The following VPS35L variants were observed in gnomAD, a reference collection of about 807,000 sequenced individuals.
VPS35L encodes the protein VPS35 endosomal protein-sorting factor-like.
VPS35L carries 83 observed loss-of-function variants against 133.0 expected under a neutral mutation model. The observed-to-expected ratio is 0.62, with a 90% CI of 0.52 to 0.75. The LOEUF is 0.75. VPS35L is among the 30% of genes least tolerant of loss of function. VPS35L has a pLI of 0.00. For synonymous variants in VPS35L, 423 were observed against 449.9 expected, an observed-to-expected ratio of 0.94 and a Z score of 0.76; for missense variants, 1,083 against 1,206.8, an observed-to-expected ratio of 0.90 and a Z score of 1.52.
chr16:19,697,861 G>A (rs1317470460), intron 29 of VPS35L, among the ~76,000 whole-genome samples: 32 of 152,240 alleles, frequency 2.1e-4, no homozygotes, highest in Non-Finnish European at 2.2e-4. Flanking sequence ...TCTGGAGTCA[G>A]AGAGCTGGAG....
chr16:19,634,785 C>G (rs1271522756), intron 19 of VPS35L, among the ~76,000 whole-genome samples: 1 of 152,074 alleles, frequency 6.6e-6, no homozygotes, highest in African/African-American at 2.4e-5. Flanking sequence ...TGATGAGGAG[C>G]AGGATATTTG....
intron 5 of VPS35L, among the ~76,000 whole-genome samples, chr16:19,576,165 C>CA (rs1220749191): frequency 0.15 from 10,434 of 71,390 alleles, 617 homozygotes; most frequent in African/African-American, 0.23. Context: ...GACTCTGTCT[C>CA]AAAAAAAAAA....
At position 19,650,489 on chromosome 16, in the gene VPS35L, C is replaced by T. The variant is rs114850072; in HGVS notation, c.2106+30C>T. The stretch of plus-strand genomic sequence containing the variant: ...GTTCTTAAGATAAGGACTGTTGGAC[C>T]TCGAACTCCAGTGGGCTGTTTAGTT... On this transcript the variant is annotated intron_variant, in intron 25 of 30. Transcript: ENST00000417362. 1.0e-3 allele frequency: 1,562 copies of T among 1,554,936 alleles called. 13 individuals carry two copies. The African/African-American group carries it at 0.019, about 19-fold the overall frequency.
Position 19,573,146 on chromosome 16 carries a change from G to C in VPS35L, c.313G>C (p.Asp105His). ...CAGCTCCAGAAGGAAACGTGATAGA[G>C]ATGATAACTCCGTTGTAGGATCGGA... ...MDSSRRKRDR[D>H]DNSVVGSDFE... The change falls in exon 4 of 31, where the codon GAT (aspartate) becomes CAT (histidine). Residue 105 changes from aspartate to histidine, a missense_variant. Coordinates refer to ENST00000417362, the MANE Select transcript of VPS35L (RefSeq NM_020314.7). 6.2e-7 allele frequency: 1 copy of C among 1,613,902 alleles called. No homozygotes were observed. Among genetic ancestry groups the C allele is most frequent in the Non-Finnish European group, 8.5e-7 (1 of 1,179,858 alleles).
At chr16:19,601,219 A>G (rs1027330693) in intron 8 of VPS35L, among the ~76,000 whole-genome samples, 1 of 152,180 alleles carries the variant, frequency 6.6e-6, no homozygotes, top group Non-Finnish European at 1.5e-5. Flanking sequence ...GTGAGCCACT[A>G]TGCCCAGCCT....
At chr16:19,577,892 T>C (rs958804081) in intron 5 of VPS35L, among the ~76,000 whole-genome samples, 7 of 152,256 alleles carry the variant, frequency 4.6e-5, no homozygotes, top group Non-Finnish European at 1.0e-4. Context: ...ACCTTGATCT[T>C]GGACTTCCCA....
At chr16:19,649,412 T>G (rs1011447438) in intron 24 of VPS35L, among the ~76,000 whole-genome samples, 2 of 152,214 alleles carry the variant, frequency 1.3e-5, no homozygotes, top group Admixed American at 6.5e-5. Flanking sequence ...CATTCACTGT[T>G]TTTTACATTT....
chr16:19,566,204 G>T (rs943613830), intron 2 of VPS35L, among the ~76,000 whole-genome samples: 2 of 152,082 alleles, frequency 1.3e-5, no homozygotes, highest in Admixed American at 6.6e-5. Context: ...CATGTTAAAA[G>T]AAAATTCTTG....
At chr16:19,618,924 T>C (rs1239276973) in intron 14 of VPS35L, among the ~76,000 whole-genome samples, 1 of 151,318 alleles carries the variant, frequency 6.6e-6, no homozygotes, top group Non-Finnish European at 1.5e-5. Context: ...CCTATCTGTT[T>C]TTTTTTTTTT....
chr16:19,660,007 C>T lies in VPS35L; in HGVS notation c.2221+7917C>T, dbSNP rs1182640296. On this transcript the variant is annotated intron_variant, in intron 26 of 30. Transcript: ENST00000417362. ...ACATTCAAGAGATGGGAGTCTTCAA[C>T]CCTTGGAACATCTTGTCTTAAGAAC... Among the ~76,000 whole-genome samples the T allele has an allele frequency of 2.0e-5, 3 of 152,230 alleles. No individual in the cohort carries two copies. In the East Asian group the frequency reaches 5.8e-4, roughly 29 times the overall value.
At position 19,639,017 on chromosome 16, in the gene VPS35L, T is replaced by C. The variant is rs1973705007; in HGVS notation, c.1699-998T>C. 6.6e-6 allele frequency among the ~76,000 whole-genome samples: 1 copy of C among 151,974 alleles called. No homozygotes were observed. The highest frequency in any genetic ancestry group is 1.9e-4 in the East Asian group (1 of 5,170). ...GCTACTGGGGAGGCTGAGGTTGCAG[T>C]GAACCGAGATTGCACCAGGGCACTC... On this transcript the variant is annotated intron_variant, in intron 20 of 30. Transcript: ENST00000417362. The surrounding 1 kb of genome is among the most constrained non-coding windows in gnomAD (Gnocchi z 4.1).
At chr16:19,649,802 C>A (rs1974069296) in intron 24 of VPS35L, among the ~76,000 whole-genome samples, 1 of 152,200 alleles carries the variant, frequency 6.6e-6, no homozygotes, top group South Asian at 2.1e-4. Flanking sequence ...TTTAGCACAA[C>A]TAAACTTAAG....
chr16:19,667,008 G>C (rs146926245), intron 26 of VPS35L, among the ~76,000 whole-genome samples: 2,073 of 104,866 alleles, frequency 0.02, 49 homozygotes, highest in African/African-American at 0.072. Context: ...TTTTGAGACA[G>C]AGCATTGCTC....
In VPS35L at chr16:19,621,235, A is replaced by G. The variant is rs1973070216; in HGVS notation, c.1224+4427A>G. On this transcript the variant is annotated intron_variant, in intron 14 of 30. Coordinates refer to ENST00000417362, the MANE Select transcript of VPS35L (RefSeq NM_020314.7). Reference sequence around the variant, plus strand: ...TAGGCTTCTGTAATAATATATATCCATAAAGCACAGGCAGAATTCTAGATA... The same window carrying G: ...TAGGCTTCTGTAATAATATATATCCGTAAAGCACAGGCAGAATTCTAGATA... 3.3e-5 allele frequency among the ~76,000 whole-genome samples: 5 copies of G among 152,302 alleles called. No homozygotes were observed. The South Asian group carries it at 1.0e-3, about 32-fold the overall frequency.
At chr16:19,643,640 A>C (rs1327567364) in intron 22 of VPS35L, among the ~76,000 whole-genome samples, 2 of 152,170 alleles carry the variant, frequency 1.3e-5, no homozygotes, top group African/African-American at 4.8e-5. Flanking sequence ...GAGGCTAGGG[A>C]ATGTTGTTCT....
chr16:19,575,015 G>T, intron 4 of VPS35L, 83 bp from the exon 5 acceptor site: 1 of 1,102,296 alleles, frequency 9.1e-7, no homozygotes, highest in Non-Finnish European at 1.3e-6. Context: ...TCTTTCTCTT[G>T]GGTATGTAAA....
chr16:19,641,503 G>T (rs74011476), intron 21 of VPS35L, among the ~76,000 whole-genome samples: 7,739 of 152,196 alleles, frequency 0.051, 640 homozygotes, highest in African/African-American at 0.17. Flanking sequence ...TAAATATTAG[G>T]TGTATAGATA....
At chr16:19,624,909 A>G (rs1973213394) in intron 14 of VPS35L, among the ~76,000 whole-genome samples, 1 of 152,226 alleles carries the variant, frequency 6.6e-6, no homozygotes, top group East Asian at 1.9e-4. Flanking sequence ...AAACCTGGGC[A>G]GTGCTCAGTG....
At chr16:19,631,204 ATTTTGG>A in intron 18 of VPS35L, among the ~76,000 whole-genome samples, 1 of 152,160 alleles carries the variant, frequency 6.6e-6, no homozygotes, top group Non-Finnish European at 1.5e-5. Context: ...GGTTTATGGT[ATTTTGG>A]TAGAGAAGCC....
Sources: allele counts gnomAD v4.1 joint callset (sites outside exome capture counted in the v4.1 genomes callset), GRCh38; gene constraint gnomAD v4.1.1; non-coding constraint Gnocchi (gnomAD v3.1); transcripts MANE v1.5; gene names NCBI Gene and HGNC (gene_info 2026-07-23, HGNC 2026-07-21).